The following NRXN1 variants were observed in gnomAD, a reference collection of about 807,000 sequenced individuals.
The protein encoded by NRXN1 is neurexin-1.
A neutral mutation model predicts 150.9 loss-of-function variants in NRXN1; 39 were observed. The ratio of observed to expected loss-of-function variants is 0.26; its 90% confidence interval spans 0.20 to 0.34. The LOEUF is 0.34. NRXN1 is among the 10% of genes least tolerant of loss of function. NRXN1 has a pLI of 1.00. For missense variants in NRXN1, 1,815 were observed against 1,949.9 expected (o/e 0.93, Z 1.30); for synonymous variants, 924 against 757.0 (o/e 1.22, Z -3.62).
intron 5 of NRXN1, among the ~76,000 whole-genome samples, chr2:50,824,048 A>C (rs1205900041): frequency 6.6e-6 from 1 of 152,194 alleles, no homozygotes; most frequent in East Asian, 1.9e-4. Context: ...CTGTCATAAA[A>C]TCTGATTATA....
At chr2:50,011,953 A>T (rs1685740675) in intron 21 of NRXN1, among the ~76,000 whole-genome samples, 1 of 152,150 alleles carries the variant, frequency 6.6e-6, no homozygotes, top group South Asian at 2.1e-4. Flanking sequence ...ATACAGCTAA[A>T]TCACTTTCCA....
chr2:50,093,731 C>G (rs1699875701), intron 18 of NRXN1, among the ~76,000 whole-genome samples: 1 of 152,168 alleles, frequency 6.6e-6, no homozygotes, highest in South Asian at 2.1e-4. Flanking sequence ...TTTATAAATA[C>G]TAACTCTGGT....
intron 5 of NRXN1, among the ~76,000 whole-genome samples, chr2:50,796,695 C>T (rs967242458): frequency 6.6e-5 from 10 of 152,128 alleles, no homozygotes; most frequent in Admixed American, 1.3e-4. Flanking sequence ...GATTTCAAGG[C>T]CCAAAGTCCC....
intron 22 of NRXN1, among the ~76,000 whole-genome samples, chr2:49,937,100 C>T (rs537236080): frequency 3.9e-5 from 6 of 152,170 alleles, no homozygotes; most frequent in African/African-American, 9.7e-5. Flanking sequence ...GAGAAGATAG[C>T]GCCCCTATCT....
chr2:50,191,458 G>C (rs965499253), intron 18 of NRXN1, among the ~76,000 whole-genome samples: 9 of 152,086 alleles, frequency 5.9e-5, no homozygotes, highest in African/African-American at 2.2e-4. Flanking sequence ...TTGTGTGTTT[G>C]TATAGTTATA....
At chr2:50,465,998 T>G (rs2088797215) in intron 16 of NRXN1, among the ~76,000 whole-genome samples, 2 of 151,848 alleles carry the variant, frequency 1.3e-5, no homozygotes, top group African/African-American at 4.8e-5. Flanking sequence ...TGAAGAGAGT[T>G]ATGCAAAAAT....
At chr2:50,297,842 T>C (rs762606258) in intron 17 of NRXN1, among the ~76,000 whole-genome samples, 4 of 152,130 alleles carry the variant, frequency 2.6e-5, no homozygotes, top group Non-Finnish European at 5.9e-5. Flanking sequence ...AATTTTAAAA[T>C]GGGTTTTAAA....
chr2:50,646,496 A>C (rs961074207), intron 5 of NRXN1, among the ~76,000 whole-genome samples: 1 of 152,152 alleles, frequency 6.6e-6, no homozygotes, highest in Non-Finnish European at 1.5e-5. Context: ...TTACAAATGC[A>C]CTGTGATATG....
chr2:50,531,292 C>T lies in NRXN1; in HGVS notation c.2282G>A (p.Arg761Lys). 6.2e-7 allele frequency: 1 copy of T among 1,613,630 alleles called. No individual in the cohort carries two copies. Among genetic ancestry groups the T allele is most frequent in the Non-Finnish European group, 8.5e-7 (1 of 1,179,774 alleles). Residue 761 changes from arginine (R) to lysine (K), a missense_variant, in exon 11 of 23, where the codon AGA (arginine) becomes AAA (lysine). Arg to Lys is a conservative substitution (Grantham distance 26). This residue lies in a region of NRXN1 where 638 missense variants were observed against 652.6 expected (regional missense o/e 0.98). Coordinates refer to ENST00000401669, the MANE Select transcript of NRXN1 (RefSeq NM_001330078.2). ...CAGGCGGAGGGTGTCAGCAGAGTCT[C>T]TAGAAGTGGTTGCCATCAGAATGCC... ...AYGILMATTS[R>K]DSADTLRLEL... is the part of the protein sequence containing the mutation.
chr2:49,999,836 A>T (rs1395790784), intron 21 of NRXN1, among the ~76,000 whole-genome samples: 2 of 152,174 alleles, frequency 1.3e-5, no homozygotes, highest in African/African-American at 4.8e-5. Flanking sequence ...ATTAACTTAC[A>T]CTAAAATGTA....
At chr2:50,624,615 A>AT (rs1398161486) in intron 5 of NRXN1, among the ~76,000 whole-genome samples, 1 of 151,424 alleles carries the variant, frequency 6.6e-6, no homozygotes, top group Non-Finnish European at 1.5e-5. Flanking sequence ...GAGCATGTGC[A>AT]TTTTTTATCT....
intron 17 of NRXN1, among the ~76,000 whole-genome samples, chr2:50,448,376 T>C (rs1027246378): frequency 6.6e-6 from 1 of 152,092 alleles, no homozygotes; most frequent in African/African-American, 2.4e-5. Context: ...GTATTGTAAC[T>C]GCTTCTACAA....
rs538930857 is a variant in NRXN1, at chr2:50,490,334, A to G, written c.3070+5571T>C. On this transcript the variant is annotated intron_variant, in intron 15 of 22. Coordinates refer to ENST00000401669, the MANE Select transcript of NRXN1 (RefSeq NM_001330078.2). ...GCGTTCAGGGCCCTTCAAAATGAGA[A>G]AATTACCCTGCTCTTTTGTCAGGGG... 2.0e-5 allele frequency among the ~76,000 whole-genome samples: 3 copies of G among 152,234 alleles called. No individual in the cohort carries two copies. In the East Asian group the frequency reaches 5.8e-4, roughly 29 times the overall value.
intron 5 of NRXN1, among the ~76,000 whole-genome samples, chr2:50,705,824 C>T (rs1694352490): frequency 6.6e-6 from 1 of 152,106 alleles, no homozygotes; most frequent in African/African-American, 2.4e-5. Context: ...TGTTGATTGG[C>T]CTATGGCCCA....
intron 5 of NRXN1, among the ~76,000 whole-genome samples, chr2:50,731,306 C>A (rs188756610): frequency 3.3e-5 from 5 of 152,254 alleles, no homozygotes; most frequent in Admixed American, 3.3e-4. Flanking sequence ...TACTGATTTA[C>A]TATAAAAACT....
At chr2:50,505,515 G>T (rs1233988047) in intron 13 of NRXN1, among the ~76,000 whole-genome samples, 1 of 152,112 alleles carries the variant, frequency 6.6e-6, no homozygotes, top group Admixed American at 6.6e-5. Context: ...ATAAAACCCA[G>T]TTGTCCAAAC....
At chr2:50,654,767 T>C (rs1457020094) in intron 5 of NRXN1, among the ~76,000 whole-genome samples, 1 of 152,128 alleles carries the variant, frequency 6.6e-6, no homozygotes, top group Non-Finnish European at 1.5e-5. Context: ...GATTTGCATT[T>C]CTCTGATGGC....
At chr2:50,154,080 G>C (rs1286465845) in intron 18 of NRXN1, among the ~76,000 whole-genome samples, 1 of 151,750 alleles carries the variant, frequency 6.6e-6, no homozygotes, top group Non-Finnish European at 1.5e-5. Flanking sequence ...ATTAAAAATA[G>C]TTACTTCAGA....
At chr2:50,478,065 C>T (rs2090136144) in intron 15 of NRXN1, among the ~76,000 whole-genome samples, 1 of 152,084 alleles carries the variant, frequency 6.6e-6, no homozygotes, top group Admixed American at 6.6e-5. Flanking sequence ...TTGTATTGCA[C>T]ACACATAAAG....
Sources: gnomAD v4.1 joint callset for allele counts (sites outside exome capture counted in the v4.1 genomes callset) on GRCh38, gnomAD v4.1.1 for gene constraint, gnomAD v4.1.1 regional missense constraint, MANE v1.5 for transcripts, NCBI Gene and HGNC (gene_info 2026-07-23, HGNC 2026-07-21) for gene names.